ITPA: variants seen among roughly 807,000 people sequenced by gnomAD.
The protein encoded by ITPA is inosine triphosphatase, also known as inosine triphosphate pyrophosphatase.
Under a neutral mutation model 29.6 loss-of-function variants are expected in ITPA, and 29 were observed. That is an observed-to-expected ratio of 0.98 (90% confidence interval 0.73 to 1.34). The LOEUF (loss-of-function observed/expected upper bound fraction) is 1.34. Ranked by LOEUF, ITPA falls within the 40% of genes most tolerant of loss-of-function variation. The pLI is 0.00. For synonymous variants in ITPA, 103 were observed against 99.3 expected (o/e 1.04, Z -0.22); for missense variants, 241 against 251.5 (o/e 0.96, Z 0.28).
At chr20:3,217,542 C>T (rs919855438) in intron 5 of ITPA, among the ~76,000 whole-genome samples, 3 of 152,026 alleles carry the variant, frequency 2.0e-5, no homozygotes, top group Admixed American at 6.6e-5. Context: ...GGCTCAATCT[C>T]GGCTCACTGC....
downstream of ITPA, among the ~76,000 whole-genome samples, chr20:3,225,632 C>A (rs2122473888): frequency 6.6e-6 from 1 of 152,340 alleles, no homozygotes; most frequent in Non-Finnish European, 1.5e-5. Flanking sequence ...TCCGTAATAG[C>A]CTTTTTAGTA....
intron 6 of ITPA, among the ~76,000 whole-genome samples, chr20:3,221,583 G>A (rs919351635): frequency 8.5e-5 from 13 of 152,242 alleles, no homozygotes; most frequent in African/African-American, 2.4e-4. Flanking sequence ...TGTGGCTGGC[G>A]AGGGCGCGTG....
chr20:3,220,025 C>T (rs1199864306), intron 6 of ITPA, among the ~76,000 whole-genome samples: 4 of 126,700 alleles, frequency 3.2e-5, no homozygotes, highest in Admixed American at 9.5e-5. Flanking sequence ...CATGGAGTGA[C>T]GGAGTGAGAC....
rs961818210 is a variant in ITPA at position 3,220,550 on chromosome 20, TA to T, written c.412-1282del. 7.6e-3 allele frequency among the ~76,000 whole-genome samples: 1,143 copies of T among 150,912 alleles called. 15 individuals are homozygous for T. The highest frequency in any genetic ancestry group is 0.026 in the African/African-American group (1,065 of 41,108). On this transcript the variant is annotated intron_variant, in intron 6 of 7. Transcript: ENST00000380113. ...CACCTCCGTTGTATTTTTTAAAGAGTAAAAAAAAATGTTTTTGAGACAGGGT... is the reference window on the plus strand; with the variant it reads ...CACCTCCGTTGTATTTTTTAAAGAGTAAAAAAAATGTTTTTGAGACAGGGT...
chr20:3,209,577 A>G lies in ITPA; in HGVS notation c.26A>G (p.Lys9Arg), dbSNP rs1282803728. 5.6e-6 allele frequency: 9 copies of G among 1,613,986 alleles called. No homozygotes were observed. Among genetic ancestry groups the G allele is most frequent in the Non-Finnish European group, 8.5e-7 (1 of 1,180,030 alleles). The part of the protein sequence containing the change: MAASLVGK[K>R]IVFVTGNAKK... ...ATGGCGGCCTCATTGGTGGGGAAGA[A>G]GATCGTGTTTGTAACGGGGAACGCC... Residue 9 changes from lysine (K) to arginine (R), a missense_variant, in exon 1 of 8, where the codon AAG becomes AGG. Coordinates refer to ENST00000380113, the MANE Select transcript of ITPA (RefSeq NM_033453.4). This position sits in a 1 kb window ranked among gnomAD's most constrained non-coding sequence, Gnocchi z 4.6.
chr20:3,223,671 A>T lies in ITPA; in HGVS notation c.*209A>T. The T allele has an allele frequency of 1.6e-6, 1 of 606,502 alleles. No homozygotes were observed. The highest frequency in any genetic ancestry group is 3.0e-6 in the Non-Finnish European group (1 of 336,998). The allele number at this position is 606,502 out of a possible 1,614,324, so 37.6% of individuals were successfully genotyped here. A position where few individuals can be genotyped will look rare whatever the true frequency, so the allele number is the denominator to read the frequency against. ...TGGACGCCATTCTCTTGCCCTTAGG[A>T]TTCACTGCTCTCTCCTACAGCCGCC... is the stretch of plus-strand genomic sequence containing the variant. On this transcript the variant is annotated 3_prime_UTR_variant, in exon 8 of 8. Transcript: ENST00000380113.
At chr20:3,225,624 C>T (rs1015961199), downstream of ITPA, among the ~76,000 whole-genome samples, 20 of 152,180 alleles carry the variant, frequency 1.3e-4, no homozygotes, top group Non-Finnish European at 5.9e-5. Context: ...CTGAATTCTC[C>T]GTAATAGCCT....
upstream of ITPA, chr20:3,209,450 T>C (rs1219492959): frequency 8.7e-6 from 10 of 1,144,956 alleles, no homozygotes; most frequent in Middle Eastern, 3.8e-4. This position sits in a 1 kb window ranked among gnomAD's most constrained non-coding sequence, Gnocchi z 4.6. Flanking sequence ...CCGGGACCCC[T>C]GGCCGGAAAC....
intron 4 of ITPA, 84 bp downstream of exon 4, chr20:3,214,142 G>C (rs1568511219): frequency 8.6e-7 from 1 of 1,156,266 alleles, no homozygotes; most frequent in Non-Finnish European, 1.3e-6. Context: ...TGATACTGCA[G>C]GTCATTCCCT....
chr20:3,225,120 C>G (rs369559640), downstream of ITPA, among the ~76,000 whole-genome samples: 1 of 152,012 alleles, frequency 6.6e-6, no homozygotes, highest in Admixed American at 6.6e-5. Flanking sequence ...GGGAGGATCC[C>G]GAGCCTAGGG....
In ITPA at chr20:3,223,308, AG is replaced by A. The variant is rs1031100338; in HGVS notation, c.489-53del. Reference sequence around the variant, plus strand: ...AGGGATGAGATGAGGTAGGGTTGGGAGGGGGTGCACTTCCTTCCTGAATCTG... The same window carrying A: ...AGGGATGAGATGAGGTAGGGTTGGGAGGGGTGCACTTCCTTCCTGAATCTG... On this transcript the variant is annotated intron_variant, in intron 7 of 7. Transcript: ENST00000380113. 35 of 1,282,922 alleles carry A rather than the reference AG, an allele frequency of 2.7e-5. 2 individuals carry two copies. The Admixed American group carries it at 4.8e-4, about 18-fold the overall frequency. The allele number at this position is 1,282,922 out of a possible 1,614,324, so 79.5% of individuals were successfully genotyped here. A position where few individuals can be genotyped will look rare whatever the true frequency, so the allele number is the denominator to read the frequency against.
At position 3,218,594 on chromosome 20, in the gene ITPA, C is replaced by A. The variant is rs759229958; in HGVS notation, c.373C>A (p.Pro125Thr). The A allele has an allele frequency of 6.2e-7, 1 of 1,613,714 alleles. No homozygotes were observed. The highest frequency in any genetic ancestry group is 1.3e-5 in the African/African-American group (1 of 74,940). ...CACGTTTGCACTCAGCACCGGGGAC[C>A]CAAGCCAGCCCGTGCGCCTGTTCAG... ...LCTFALSTGD[P>T]SQPVRLFRGR... The change falls in exon 6 of 8, where the codon CCA becomes ACA. Residue 125 changes from proline to threonine, a missense_variant. Coordinates refer to ENST00000380113, the MANE Select transcript of ITPA (RefSeq NM_033453.4).
intron 5 of ITPA, 39 bp from the exon 6 acceptor site, chr20:3,218,478 C>T (rs2067368570): frequency 1.4e-6 from 2 of 1,407,146 alleles, no homozygotes; most frequent in Non-Finnish European, 1.0e-6. Flanking sequence ...TGGGAGTTGG[C>T]CATTAGGGAT....
downstream of ITPA, among the ~76,000 whole-genome samples, chr20:3,225,431 C>T (rs543574949): frequency 6.6e-6 from 1 of 152,256 alleles, no homozygotes; most frequent in South Asian, 2.1e-4. Flanking sequence ...AGTTGATAAC[C>T]AGTGGCCAGT....
chr20:3,213,460 T>TA, intron 3 of ITPA, 77 bp downstream of exon 3: 3 of 1,548,298 alleles, frequency 1.9e-6, no homozygotes, highest in Non-Finnish European at 2.7e-6. Flanking sequence ...CTAGAAACAA[T>TA]AGAGTAGACA....
At chr20:3,215,680 T>C (rs1325147263) in intron 5 of ITPA, among the ~76,000 whole-genome samples, 2 of 152,146 alleles carry the variant, frequency 1.3e-5, no homozygotes, top group Non-Finnish European at 2.9e-5. Flanking sequence ...AAATGTCCCC[T>C]CTTTATGTGC....
chr20:3,204,894 A>G (rs370967461), upstream of ITPA, among the ~76,000 whole-genome samples: 1 of 151,926 alleles, frequency 6.6e-6, no homozygotes, highest in East Asian at 1.9e-4. Flanking sequence ...TCTGTCGCAC[A>G]GGCTGGAGTG....
chr20:3,204,568 G>A, upstream of ITPA: 1 of 1,579,206 alleles, frequency 6.3e-7, no homozygotes, highest in Non-Finnish European at 8.6e-7. Context: ...TGCGAGTCAG[G>A]AAGAGGATAA....
rs746930990 is a variant in ITPA at position 3,223,409 on chromosome 20, C to T, written c.532C>T (p.Arg178Cys). 2 of 1,613,824 alleles carry T rather than the reference C, an allele frequency of 1.2e-6. No homozygotes were observed. The highest frequency in any genetic ancestry group is 1.7e-6 in the Non-Finnish European group (2 of 1,180,018). Residue 178 changes from arginine (R) to cysteine (C), a missense_variant, in exon 8 of 8, where the codon CGC becomes TGC. Transcript: ENST00000380113. ...GGCGGAGAAGAACGCTGTCTCCCAT[C>T]GCTTCCGGGCCCTGCTGGAGCTGCA... The part of the protein sequence containing the change: ...PKAEKNAVSH[R>C]FRALLELQEY...
Sources: gnomAD v4.1 joint callset for allele counts (sites outside exome capture counted in the v4.1 genomes callset) on GRCh38, gnomAD v4.1.1 for gene constraint, Gnocchi (gnomAD v3.1) non-coding constraint, MANE v1.5 for transcripts, NCBI Gene and HGNC (gene_info 2026-07-23, HGNC 2026-07-21) for gene names.